Variants in RNF182 observed in about 807,000 individuals in gnomAD.
The protein encoded by RNF182 is E3 ubiquitin-protein ligase RNF182.
RNF182 carries 15 observed loss-of-function variants against 14.4 expected under a neutral mutation model. The ratio of observed to expected loss-of-function variants is 1.04; its 90% CI spans 0.70 to 1.60. The LOEUF is 1.60. Ranked by LOEUF, RNF182 falls within the 40% of genes most tolerant of loss-of-function variation. RNF182 has a pLI of 0.00. For missense variants in RNF182, 268 were observed against 294.8 expected (o/e 0.91, Z 0.67); for synonymous variants, 128 against 122.9 (o/e 1.04, Z -0.27).
intron 1 of RNF182, among the ~76,000 whole-genome samples, chr6:13,943,201 CAT>C (rs1050089203): frequency 6.6e-6 from 1 of 151,818 alleles, no homozygotes; most frequent in African/African-American, 2.4e-5. Context: ...TATTTAATAA[CAT>C]ATATATCAAA....
At chr6:13,968,598 G>T (rs971772524) in intron 1 of RNF182, among the ~76,000 whole-genome samples, 3 of 152,120 alleles carry the variant, frequency 2.0e-5, no homozygotes, top group African/African-American at 7.2e-5. Context: ...GCACAAAAAA[G>T]TCTAGAGACC....
At chr6:13,960,656 AGTGTGTGTGTGTGTGT>A (rs745687828) in intron 1 of RNF182, among the ~76,000 whole-genome samples, 4 of 133,112 alleles carry the variant, frequency 3.0e-5, no homozygotes, top group African/African-American at 8.2e-5. Context: ...GGAGAGAGAG[AGTGTGTGTGTGTGTGT>A]GTGTGTGTGT....
intron 1 of RNF182, among the ~76,000 whole-genome samples, chr6:13,968,120 TA>T (rs1247134072): frequency 6.6e-6 from 1 of 152,120 alleles, no homozygotes; most frequent in African/African-American, 2.4e-5. Context: ...TTAATGAAAT[TA>T]AAAGTAACAG....
intron 1 of RNF182, among the ~76,000 whole-genome samples, chr6:13,926,547 T>A (rs1758830440): frequency 6.6e-6 from 1 of 152,190 alleles, no homozygotes; most frequent in Non-Finnish European, 1.5e-5. Context: ...TAAACTGAAT[T>A]TTACCTGTGG....
intron 1 of RNF182, among the ~76,000 whole-genome samples, chr6:13,943,407 C>T (rs1299368928): frequency 6.6e-6 from 1 of 152,024 alleles, no homozygotes; most frequent in African/African-American, 2.4e-5. Flanking sequence ...AGGCCTGAGC[C>T]ACTGTGCCTG....
In RNF182 at chr6:13,932,999, C is replaced by T. The variant is rs760361221; in HGVS notation, c.-367+7976C>T. Reference sequence around the variant, plus strand: ...CCCATATTGATTTGAAATTGCTGTCCGAGCATTTTTTAATTAAAATATGGT... The same window carrying T: ...CCCATATTGATTTGAAATTGCTGTCTGAGCATTTTTTAATTAAAATATGGT... On this transcript the variant is annotated intron_variant, in intron 1 of 2. Coordinates refer to ENST00000488300, the MANE Select transcript of RNF182 (RefSeq NM_152737.4). 4.6e-5 allele frequency among the ~76,000 whole-genome samples: 7 copies of T among 151,952 alleles called. No homozygotes were observed. In the South Asian group the frequency reaches 6.2e-4, roughly 14 times the overall value.
At chr6:13,963,776 AT>A (rs1448387813) in intron 1 of RNF182, among the ~76,000 whole-genome samples, 1 of 152,208 alleles carries the variant, frequency 6.6e-6, no homozygotes, top group Non-Finnish European at 1.5e-5. Context: ...CAAGGCCAAG[AT>A]TTAAGGGGTG....
intron 1 of RNF182, among the ~76,000 whole-genome samples, chr6:13,964,729 A>T (rs1276877115): frequency 6.6e-6 from 1 of 152,094 alleles, no homozygotes; most frequent in Admixed American, 6.5e-5. Context: ...GATGCACTGG[A>T]TACTGTGATG....
Position 13,978,829 on chromosome 6 carries a change from G to A in RNF182, c.*966G>A, listed in dbSNP as rs1760418908. The A allele has an allele frequency of 6.0e-6, 1 of 166,874 alleles. No individual in the cohort carries two copies. The highest frequency in any genetic ancestry group is 1.5e-5 in the Non-Finnish European group (1 of 68,098). 10.3% of individuals were successfully genotyped at this position (166,874 alleles called of 1,614,324 possible). On this transcript the variant is annotated 3_prime_UTR_variant, in exon 3 of 3. Transcript: ENST00000488300. ...ACTTAACTGAATCTTATAACAATTC[G>A]AGGTGAACTGTGGCAATGAAAACCA...
rs1760453176 is a variant in RNF182 at position 13,980,039 on chromosome 6, A to G, written c.*2176A>G. On this transcript the variant is annotated 3_prime_UTR_variant, in exon 3 of 3. Coordinates refer to ENST00000488300, the MANE Select transcript of RNF182 (RefSeq NM_152737.4). ...TTTGATTTCTCTGACTTATGGTTAA[A>G]ATTCAGTTATGACTTTGCACCTCTG... 1 of 159,992 alleles carries G rather than the reference A, an allele frequency of 6.3e-6. No individual in the cohort carries two copies. Among genetic ancestry groups the G allele is most frequent in the African/African-American group, 2.4e-5 (1 of 41,428 alleles). The allele number at this position is 159,992 out of a possible 1,614,324, so 9.9% of individuals were successfully genotyped here.
chr6:13,929,578 T>C (rs1758914532), intron 1 of RNF182, among the ~76,000 whole-genome samples: 1 of 152,220 alleles, frequency 6.6e-6, no homozygotes, highest in Non-Finnish European at 1.5e-5. Context: ...CTTTATGAAT[T>C]CTTCCCTATG....
chr6:13,948,883 CA>C (rs1759507077), intron 1 of RNF182, among the ~76,000 whole-genome samples: 1 of 148,448 alleles, frequency 6.7e-6, no homozygotes, highest in African/African-American at 2.6e-5. Flanking sequence ...ATTCAAAAGA[CA>C]AACAAAAATC....
chr6:13,977,445 T>A lies in RNF182; in HGVS notation c.326T>A (p.Leu109Gln), dbSNP rs751722064. ...KCLPENPTEL[L>Q]LTPKRLASLV... is the part of the protein sequence containing the mutation. ...CTGCCAGAGAACCCTACTGAGCTGCTGCTCACCCCCAAGAGGCTGGCCTCT... is the reference window on the plus strand; with the variant it reads ...CTGCCAGAGAACCCTACTGAGCTGCAGCTCACCCCCAAGAGGCTGGCCTCT... Residue 109 changes from leucine (L) to glutamine (Q), a missense_variant, in exon 3 of 3, where the codon CTG (leucine) becomes CAG (glutamine). Coordinates refer to ENST00000488300, the MANE Select transcript of RNF182 (RefSeq NM_152737.4). 9.3e-6 allele frequency: 15 copies of A among 1,614,160 alleles called. No homozygotes were observed. Among genetic ancestry groups the A allele is most frequent in the Non-Finnish European group, 1.7e-6 (2 of 1,179,998 alleles).
At chr6:13,974,943 A>G (rs1184975222) in intron 2 of RNF182, among the ~76,000 whole-genome samples, 2 of 151,908 alleles carry the variant, frequency 1.3e-5, no homozygotes, top group South Asian at 2.1e-4. Context: ...CAGCTTCCTA[A>G]CCTCTGGATT....
At chr6:13,966,158 A>C (rs932099838) in intron 1 of RNF182, among the ~76,000 whole-genome samples, 10 of 152,228 alleles carry the variant, frequency 6.6e-5, no homozygotes, top group African/African-American at 2.4e-4. Flanking sequence ...AATCCCATAC[A>C]TTTCCCTGTC....
chr6:13,972,425 G>T (rs1019772207), intron 1 of RNF182, among the ~76,000 whole-genome samples: 4 of 152,128 alleles, frequency 2.6e-5, no homozygotes, highest in African/African-American at 9.7e-5. Flanking sequence ...ATTTGCATAA[G>T]TAATGAGGAG....
chr6:13,959,429 G>A (rs144435569), intron 1 of RNF182, among the ~76,000 whole-genome samples: 239 of 152,262 alleles, frequency 1.6e-3, no homozygotes, highest in African/African-American at 5.0e-3. Flanking sequence ...TGTAATAAAC[G>A]GATGGTAGAT....
At chr6:13,945,967 G>A (rs942258665) in intron 1 of RNF182, among the ~76,000 whole-genome samples, 1 of 152,010 alleles carries the variant, frequency 6.6e-6, no homozygotes, top group Admixed American at 6.6e-5. Context: ...AGAGACTAGG[G>A]CATTCCCAAA....
intron 1 of RNF182, among the ~76,000 whole-genome samples, chr6:13,926,791 GT>G (rs59699777): frequency 0.082 from 12,173 of 148,162 alleles, 1,554 homozygotes; most frequent in African/African-American, 0.28. Context: ...GTGTGTGTGT[GT>G]TTTTTTTTTT....
Sources: allele counts gnomAD v4.1 joint callset (sites outside exome capture counted in the v4.1 genomes callset), GRCh38; gene constraint gnomAD v4.1.1; transcripts MANE v1.5; gene names NCBI Gene and HGNC (gene_info 2026-07-23, HGNC 2026-07-21).